The following NCAM2 variants were observed in gnomAD, a reference collection of about 807,000 sequenced individuals.
NCAM2 encodes N-CAM-2.
A neutral mutation model predicts 98.1 loss-of-function variants in NCAM2; 30 were observed. The observed-to-expected ratio is 0.31, with a 90% CI of 0.23 to 0.41. The LOEUF is 0.41. Among genes scored for constraint, NCAM2 ranks in the 10% least tolerant of loss-of-function variants. The pLI is 1.00. For synonymous variants in NCAM2, 368 were observed against 342.4 expected, an observed-to-expected ratio of 1.07 and a Z score of -0.83; for missense variants, 867 against 1,005.8, an observed-to-expected ratio of 0.86 and a Z score of 1.87.
intron 1 of NCAM2, among the ~76,000 whole-genome samples, chr21:21,126,364 A>C (rs2066825214): frequency 6.6e-6 from 1 of 151,886 alleles, no homozygotes; most frequent in African/African-American, 2.4e-5. Context: ...CATCCAAACA[A>C]ATTTTTTTTT....
chr21:21,474,366 G>A (rs999965306), intron 14 of NCAM2, among the ~76,000 whole-genome samples: 1 of 152,030 alleles, frequency 6.6e-6, no homozygotes, highest in African/African-American at 2.4e-5. Flanking sequence ...ACAAATAAGA[G>A]CTAAATGATT....
intron 1 of NCAM2, among the ~76,000 whole-genome samples, chr21:21,131,905 G>A (rs1019123581): frequency 6.6e-6 from 1 of 152,042 alleles, no homozygotes; most frequent in Non-Finnish European, 1.5e-5. Flanking sequence ...ATAGCTAAGT[G>A]GCTTAATTTC....
chr21:21,376,773 C>G (rs1240015957), intron 9 of NCAM2, among the ~76,000 whole-genome samples: 2 of 151,684 alleles, frequency 1.3e-5, no homozygotes, highest in Non-Finnish European at 3.0e-5. Context: ...GTTTATGTTT[C>G]TGCTTAATTA....
At chr21:21,196,068 C>A (rs1487527510) in intron 1 of NCAM2, among the ~76,000 whole-genome samples, 1 of 152,144 alleles carries the variant, frequency 6.6e-6, no homozygotes, top group South Asian at 2.1e-4. Context: ...TGTAATCCTA[C>A]ATGATTTAAA....
At chr21:21,336,692 C>T (rs2074880443) in intron 7 of NCAM2, among the ~76,000 whole-genome samples, 1 of 152,118 alleles carries the variant, frequency 6.6e-6, no homozygotes, top group African/African-American at 2.4e-5. Context: ...CTGCTGGAAG[C>T]ATTTTCTGAG....
chr21:21,226,208 C>T (rs1055701460), intron 1 of NCAM2, among the ~76,000 whole-genome samples: 1 of 151,922 alleles, frequency 6.6e-6, no homozygotes, highest in East Asian at 1.9e-4. Flanking sequence ...TTGGGTGCTA[C>T]GTGCACTACT....
At chr21:21,214,460 A>G (rs2069784290) in intron 1 of NCAM2, among the ~76,000 whole-genome samples, 2 of 151,978 alleles carry the variant, frequency 1.3e-5, no homozygotes, top group South Asian at 2.1e-4. Context: ...ATTAACTGCA[A>G]TGCCTTAAGA....
chr21:21,242,797 C>A (rs6518095), intron 1 of NCAM2, among the ~76,000 whole-genome samples: 1 of 152,196 alleles, frequency 6.6e-6, no homozygotes, highest in Admixed American at 6.5e-5. Context: ...TGAATGAATA[C>A]CTTTTTGGCA....
At chr21:21,408,961 T>TGC (rs2076800165) in intron 9 of NCAM2, among the ~76,000 whole-genome samples, 1 of 118,940 alleles carries the variant, frequency 8.4e-6, no homozygotes, top group South Asian at 2.4e-4. Context: ...ATAACAAAAC[T>TGC]GGATATTGCT....
chr21:21,333,083 G>A (rs985799073), intron 6 of NCAM2, among the ~76,000 whole-genome samples: 1 of 152,156 alleles, frequency 6.6e-6, no homozygotes, highest in Admixed American at 6.5e-5. Context: ...GAATGCCTTG[G>A]AGTGATTTTT....
At chr21:21,152,641 C>T (rs924887207) in intron 1 of NCAM2, among the ~76,000 whole-genome samples, 8 of 151,960 alleles carry the variant, frequency 5.3e-5, no homozygotes, top group Admixed American at 3.9e-4. Flanking sequence ...TCTACTTCAC[C>T]GTTTTGGGTT....
intron 15 of NCAM2, among the ~76,000 whole-genome samples, chr21:21,481,946 A>G (rs191690391): frequency 4.3e-4 from 66 of 152,106 alleles, no homozygotes; most frequent in South Asian, 8.3e-4. Context: ...AAAAATACGA[A>G]AATGAACCGG....
chr21:21,344,083 G>C (rs2075121233), intron 8 of NCAM2, among the ~76,000 whole-genome samples: 1 of 152,140 alleles, frequency 6.6e-6, no homozygotes, highest in Non-Finnish European at 1.5e-5. Context: ...AGAGTTGTGA[G>C]GACTTTGTTC....
chr21:21,499,002 T>A (rs948998687), intron 15 of NCAM2, among the ~76,000 whole-genome samples: 1 of 152,104 alleles, frequency 6.6e-6, no homozygotes, highest in Non-Finnish European at 1.5e-5. Flanking sequence ...ATGGACTTCC[T>A]CCATCTTCAC....
chr21:21,258,521 A>C (rs1216819657), intron 1 of NCAM2, among the ~76,000 whole-genome samples: 1 of 152,006 alleles, frequency 6.6e-6, no homozygotes, highest in African/African-American at 2.4e-5. Flanking sequence ...TGTTTCGTTC[A>C]CCCCTGCAAC....
chr21:21,073,120 G>C (rs1304204769), intron 1 of NCAM2, among the ~76,000 whole-genome samples: 1 of 151,972 alleles, frequency 6.6e-6, no homozygotes, highest in Non-Finnish European at 1.5e-5. Flanking sequence ...ATGACTTGAG[G>C]GTTCATTCAT....
At chr21:21,064,966 G>A (rs139563056) in intron 1 of NCAM2, among the ~76,000 whole-genome samples, 2,142 of 152,126 alleles carry the variant, frequency 0.014, 43 homozygotes, top group African/African-American at 0.048. Flanking sequence ...GATCACCTGA[G>A]GTCAGGAGTT....
chr21:21,513,675 G>A (rs1988531926), intron 16 of NCAM2, among the ~76,000 whole-genome samples: 1 of 152,058 alleles, frequency 6.6e-6, no homozygotes, highest in Non-Finnish European at 1.5e-5. Flanking sequence ...TCTTAAAAAC[G>A]TGGATGAAAT....
chr21:21,154,138 G>T (rs1043544246), intron 1 of NCAM2, among the ~76,000 whole-genome samples: 6 of 151,652 alleles, frequency 4.0e-5, no homozygotes, highest in African/African-American at 1.5e-4. Flanking sequence ...CGATATATGG[G>T]GATAGAATAA....
Sources: allele counts gnomAD v4.1 joint callset (sites outside exome capture counted in the v4.1 genomes callset), GRCh38; gene constraint gnomAD v4.1.1; transcripts MANE v1.5; gene names NCBI Gene and HGNC (gene_info 2026-07-23, HGNC 2026-07-21).